Variants in TARS3 observed in about 807,000 individuals in gnomAD.
The protein encoded by TARS3 is threonyl-tRNA synthetase 3.
TARS3 carries 94 observed loss-of-function variants against 103.5 expected under a neutral mutation model. The observed-to-expected ratio is 0.91, with a 90% CI of 0.77 to 1.08. The LOEUF (loss-of-function observed/expected upper bound fraction) is 1.08. Ranked by LOEUF, TARS3 falls within the 50% of genes least tolerant of loss-of-function variation. The pLI, the probability that TARS3 is intolerant of heterozygous loss-of-function variation, is 0.00. For synonymous variants in TARS3, 416 were observed against 355.4 expected, an observed-to-expected ratio of 1.17 and a Z score of -1.92; for missense variants, 952 against 995.2, an observed-to-expected ratio of 0.96 and a Z score of 0.58.
intron 15 of TARS3, chr15:101,664,392 G>A (rs1479443751): frequency 1.3e-5 from 2 of 152,234 alleles, no homozygotes; most frequent in East Asian, 3.8e-4. Flanking sequence ...AAAACGGAGA[G>A]ATTAGACTTT....
intron 10 of TARS3, among the ~76,000 whole-genome samples, chr15:101,697,990 A>G (rs1210234712): frequency 2.0e-5 from 3 of 152,248 alleles, no homozygotes; most frequent in Admixed American, 1.3e-4. Flanking sequence ...ACAAAATGAA[A>G]TAAGGGCTTT....
At position 101,724,439 on chromosome 15, in the gene TARS3, A is replaced by T; in HGVS notation, c.-52T>A. The T allele has an allele frequency of 1.5e-6, 2 of 1,354,168 alleles. No homozygotes were observed. Among genetic ancestry groups the T allele is most frequent in the South Asian group, 3.6e-5 (2 of 54,966 alleles). The allele number at this position is 1,354,168 out of a possible 1,614,324, so 83.9% of individuals were successfully genotyped here. On this transcript the variant is annotated 5_prime_UTR_variant, in exon 1 of 19. Transcript: ENST00000335968. ...GAGCGGGGTGCCCGCGACTGCGGCG[A>T]GGGCGACGCGGACACTCAGCGCACG...
chr15:101,654,305 T>C lies in TARS3; in HGVS notation c.*277A>G, dbSNP rs544927194. 6.2e-6 allele frequency: 2 copies of C among 325,020 alleles called. No individual in the cohort carries two copies. The highest frequency in any genetic ancestry group is 4.9e-5 in the Admixed American group (1 of 20,490). 20.1% of individuals were successfully genotyped at this position (325,020 alleles called of 1,614,324 possible). ...CATTTCATAATCATTTCCTAGTGTTTTGTTTCACTTTCTCGATGAATAATA... is the reference window on the plus strand; with the variant it reads ...CATTTCATAATCATTTCCTAGTGTTCTGTTTCACTTTCTCGATGAATAATA... On this transcript the variant is annotated 3_prime_UTR_variant, in exon 19 of 19. Transcript: ENST00000335968.
intron 3 of TARS3, among the ~76,000 whole-genome samples, chr15:101,718,010 T>C (rs936442574): frequency 3.3e-5 from 5 of 152,146 alleles, no homozygotes; most frequent in African/African-American, 9.7e-5. Flanking sequence ...ATCAAAATAT[T>C]TGATAAAACT....
chr15:101,710,037 A>G (rs747150085), intron 5 of TARS3, among the ~76,000 whole-genome samples: 14 of 152,174 alleles, frequency 9.2e-5, no homozygotes, highest in Non-Finnish European at 1.6e-4. Flanking sequence ...CAGCACCCCC[A>G]CCTGCCTCCT....
chr15:101,687,514 GGTGA>G (rs1210801677), intron 10 of TARS3, among the ~76,000 whole-genome samples: 1 of 152,130 alleles, frequency 6.6e-6, no homozygotes, highest in African/African-American at 2.4e-5. Context: ...AGAAATTAAG[GGTGA>G]GTGTGTGGGT....
intron 6 of TARS3, among the ~76,000 whole-genome samples, chr15:101,706,421 CTT>C (rs956380396): frequency 2.0e-5 from 3 of 152,172 alleles, no homozygotes; most frequent in Non-Finnish European, 4.4e-5. Context: ...TGAAATTATA[CTT>C]TTTATATATT....
At chr15:101,656,376 TGTG>T (rs1897199155) in intron 18 of TARS3, among the ~76,000 whole-genome samples, 1 of 152,250 alleles carries the variant, frequency 6.6e-6, no homozygotes, top group Non-Finnish European at 1.5e-5. Context: ...ATAGCAATAC[TGTG>T]CCTGCAGTTA....
chr15:101,656,163 C>T (rs1897191509), intron 18 of TARS3: 1 of 822,306 alleles, frequency 1.2e-6, no homozygotes, highest in Non-Finnish European at 1.7e-6. Flanking sequence ...TTAATTCTAC[C>T]TTTCATGTCA....
At chr15:101,711,287 A>T (rs533164343) in intron 5 of TARS3, among the ~76,000 whole-genome samples, 2 of 152,244 alleles carry the variant, frequency 1.3e-5, no homozygotes, top group East Asian at 1.9e-4. Context: ...AGATTTGACT[A>T]AAAATAATTT....
rs1275859041 is a variant in TARS3, at chr15:101,724,197, A to G, written c.191T>C (p.Leu64Pro). Reference sequence around the variant, plus strand: ...CCGCAGGCTGCACAGGCGGTGGCGCAGGTCGCAGTTCTCGGCCCGGAGCTG... The same window carrying G: ...CCGCAGGCTGCACAGGCGGTGGCGCGGGTCGCAGTTCTCGGCCCGGAGCTG... The part of the protein sequence containing the change: ...VAQLRAENCD[L>P]RHRLCSLRLC... Residue 64 changes from leucine (L) to proline (P), a missense_variant, in exon 1 of 19, where the codon CTG becomes CCG. This residue lies in a region of TARS3 where 412 missense variants were observed against 364.2 expected (regional missense o/e 1.13). Coordinates refer to ENST00000335968, the MANE Select transcript of TARS3 (RefSeq NM_152334.3). 6.6e-7 allele frequency: 1 copy of G among 1,522,776 alleles called. No homozygotes were observed. 94.3% of individuals were successfully genotyped at this position (1,522,776 alleles called of 1,614,324 possible). A position where few individuals can be genotyped will look rare whatever the true frequency, so the allele number is the denominator to read the frequency against.
At chr15:101,666,927 G>A (rs1897601961) in intron 15 of TARS3, among the ~76,000 whole-genome samples, 1 of 152,212 alleles carries the variant, frequency 6.6e-6, no homozygotes, top group Admixed American at 6.5e-5. Flanking sequence ...TATATGGCAT[G>A]TAGTGTGTAG....
At chr15:101,689,616 G>A (rs778321209) in intron 10 of TARS3, among the ~76,000 whole-genome samples, 4 of 152,268 alleles carry the variant, frequency 2.6e-5, no homozygotes, top group African/African-American at 7.2e-5. Context: ...TGGGAATGAC[G>A]CTTCAACAAG....
intron 10 of TARS3, among the ~76,000 whole-genome samples, chr15:101,690,321 T>C (rs998933824): frequency 8.5e-5 from 13 of 152,358 alleles, no homozygotes; most frequent in African/African-American, 3.1e-4. Flanking sequence ...TTATAAAATA[T>C]ATACTTTTAA....
At chr15:101,655,929 G>T in intron 18 of TARS3, 1 of 1,289,254 alleles carries the variant, frequency 7.8e-7, no homozygotes, top group Non-Finnish European at 1.0e-6. Flanking sequence ...TGGAATGTGG[G>T]TAAAAAGTTT....
chr15:101,714,789 GT>G, intron 4 of TARS3, 50 bp downstream of exon 4: 1 of 1,578,968 alleles, frequency 6.3e-7, no homozygotes, highest in Non-Finnish European at 8.6e-7. Context: ...ATATAATGTA[GT>G]TTACAACATA....
intron 10 of TARS3, among the ~76,000 whole-genome samples, chr15:101,694,266 T>C (rs1898864732): frequency 1.3e-5 from 2 of 152,230 alleles, no homozygotes; most frequent in Non-Finnish European, 2.9e-5. Flanking sequence ...GGGAGCAGTG[T>C]GCACACCCAG....
intron 10 of TARS3, among the ~76,000 whole-genome samples, chr15:101,695,370 A>T (rs6598493): frequency 0.98 from 149,093 of 152,332 alleles, 73,046 homozygotes; most frequent in Middle Eastern, 1. Flanking sequence ...GCATTCTCTG[A>T]CTTATCTGGC....
chr15:101,721,099 G>C, intron 3 of TARS3, 27 bp downstream of exon 3: 1 of 1,565,230 alleles, frequency 6.4e-7, no homozygotes, highest in East Asian at 2.3e-5. Context: ...ACTTAAGATT[G>C]AATATCTTTT....
Sources: gnomAD v4.1 joint callset for allele counts (sites outside exome capture counted in the v4.1 genomes callset) on GRCh38, gnomAD v4.1.1 for gene constraint, gnomAD v4.1.1 regional missense constraint, MANE v1.5 for transcripts, NCBI Gene and HGNC (gene_info 2026-07-23, HGNC 2026-07-21) for gene names.